The following NCOA1 variants were observed in gnomAD, a reference collection of about 807,000 sequenced individuals.
NCOA1 encodes the protein Hin-2 protein.
Under a neutral mutation model 150.9 loss-of-function variants are expected in NCOA1, and 35 were observed. That is an observed-to-expected ratio of 0.23 (90% CI 0.18 to 0.31). The LOEUF (loss-of-function observed/expected upper bound fraction) is 0.31. Among genes scored for constraint, NCOA1 ranks in the 10% least tolerant of loss-of-function variants. The pLI, the probability that NCOA1 is intolerant of heterozygous loss-of-function variation, is 1.00. For synonymous variants in NCOA1, 590 were observed against 630.0 expected (o/e 0.94, Z 0.95); for missense variants, 1,491 against 1,749.3 (o/e 0.85, Z 2.63).
At chr2:24,604,964 AG>A (rs1467739528) in intron 3 of NCOA1, among the ~76,000 whole-genome samples, 2 of 152,300 alleles carry the variant, frequency 1.3e-5, no homozygotes. Context: ...AGGCTATTGT[AG>A]GGTTATTAAT....
rs571374330 is a variant in NCOA1, at chr2:24,585,144, T to C, written c.-175+584T>C. 1.7e-4 allele frequency among the ~76,000 whole-genome samples: 26 copies of C among 152,322 alleles called. No homozygotes were observed. In the South Asian group the frequency reaches 5.2e-3, roughly 30 times the overall value. ...ATGCCTGCTTCACCACATTATCCCA[T>C]TGGGTGTTCCCCCACCCTAGTGTTT... is the stretch of plus-strand genomic sequence containing the variant. On this transcript the variant is annotated intron_variant, in intron 3 of 22. Transcript: ENST00000348332.
At chr2:24,593,264 G>A (rs1289097489) in intron 3 of NCOA1, among the ~76,000 whole-genome samples, 1 of 152,092 alleles carries the variant, frequency 6.6e-6, no homozygotes, top group Admixed American at 6.6e-5. Context: ...AGAAAAGCTT[G>A]CCAACCCTCA....
At chr2:24,740,830 T>C (rs1275064276) in intron 18 of NCOA1, among the ~76,000 whole-genome samples, 2 of 152,236 alleles carry the variant, frequency 1.3e-5, no homozygotes, top group African/African-American at 4.8e-5. Flanking sequence ...TAGATTAGAC[T>C]ATATGTAGTT....
chr2:24,593,302 G>A (rs1432122007), intron 3 of NCOA1, among the ~76,000 whole-genome samples: 2 of 152,012 alleles, frequency 1.3e-5, no homozygotes, highest in African/African-American at 2.4e-5. Flanking sequence ...AGTCTACCCT[G>A]GACTGGATAT....
At position 24,760,449 on chromosome 2, in the gene NCOA1, G is replaced by A. The variant is rs55981228; in HGVS notation, c.4066-2238G>A. On this transcript the variant is annotated intron_variant, in intron 21 of 22. Coordinates refer to ENST00000348332, the MANE Select transcript of NCOA1 (RefSeq NM_003743.5). ...TGGGATTACAGGCGTGAGCCACCGC[G>A]CCCGGCCTTGGCTTTAACATTTTTA... 8.9e-3 allele frequency among the ~76,000 whole-genome samples: 1,345 copies of A among 151,230 alleles called. 27 individuals are homozygous for A. The highest frequency in any genetic ancestry group is 0.031 in the African/African-American group (1,276 of 41,162).
intron 3 of NCOA1, among the ~76,000 whole-genome samples, chr2:24,612,526 A>G (rs1023404453): frequency 1.3e-5 from 2 of 152,194 alleles, no homozygotes; most frequent in Non-Finnish European, 2.9e-5. Context: ...AATGCCAGCA[A>G]TTAGTAAATT....
intron 3 of NCOA1, among the ~76,000 whole-genome samples, chr2:24,642,983 ATTATAAACAGC>A (rs1042969207): frequency 1.2e-4 from 19 of 152,328 alleles, no homozygotes; most frequent in African/African-American, 4.6e-4. Flanking sequence ...GGTGGATGTG[ATTATAAACAGC>A]ATGAAACAAT....
At chr2:24,568,003 C>G (rs1016866899) in intron 2 of NCOA1, among the ~76,000 whole-genome samples, 18 of 152,106 alleles carry the variant, frequency 1.2e-4, no homozygotes, top group Non-Finnish European at 2.2e-4. Context: ...CTTGGCCTCC[C>G]GAAGTGCTGG....
intron 1 of NCOA1, among the ~76,000 whole-genome samples, chr2:24,558,966 G>C (rs1666189809): frequency 6.6e-6 from 1 of 152,030 alleles, no homozygotes; most frequent in East Asian, 1.9e-4. Context: ...TTCCACTTGT[G>C]GTTGCATGCT....
At chr2:24,748,616 C>CAAA (rs60280796) in intron 19 of NCOA1, among the ~76,000 whole-genome samples, 62 of 103,768 alleles carry the variant, frequency 6.0e-4, no homozygotes, top group African/African-American at 1.9e-3. Flanking sequence ...AACTCGGTCT[C>CAAA]AAAAAAAAAA....
chr2:24,717,898 T>C (rs1049754481), intron 14 of NCOA1, among the ~76,000 whole-genome samples: 1 of 143,194 alleles, frequency 7.0e-6, no homozygotes, highest in African/African-American at 2.5e-5. Context: ...GAAAAGATGG[T>C]TAATATCTTT....
intron 4 of NCOA1, 105 bp downstream of exon 4, chr2:24,644,227 C>T (rs1670359978): frequency 6.6e-6 from 1 of 152,102 alleles, no homozygotes; most frequent in African/African-American, 2.4e-5. Flanking sequence ...TGTGTTTGAT[C>T]TGGGTTGCTT....
At chr2:24,566,427 A>T (rs1427692902) in intron 2 of NCOA1, among the ~76,000 whole-genome samples, 1 of 152,060 alleles carries the variant, frequency 6.6e-6, no homozygotes, top group Non-Finnish European at 1.5e-5. Context: ...GAGACCCTGG[A>T]GTGGGTAGCT....
chr2:24,670,478 C>T (rs1300334147), intron 6 of NCOA1, among the ~76,000 whole-genome samples: 1 of 152,092 alleles, frequency 6.6e-6, no homozygotes, highest in South Asian at 2.1e-4. Flanking sequence ...CTATGAAGGA[C>T]TATTATTAGG....
intron 2 of NCOA1, among the ~76,000 whole-genome samples, chr2:24,571,031 G>T (rs961889641): frequency 2.0e-5 from 3 of 152,186 alleles, no homozygotes; most frequent in Non-Finnish European, 2.9e-5. Context: ...ATGATAGTAT[G>T]TAGTTATGTA....
At position 24,693,251 on chromosome 2, in the gene NCOA1, G is replaced by C; in HGVS notation, c.713-1G>C. The C allele has an allele frequency of 6.2e-7, 1 of 1,614,056 alleles. No homozygotes were observed. Among genetic ancestry groups the C allele is most frequent in the Non-Finnish European group, 8.5e-7 (1 of 1,179,942 alleles). ...CAATTTCCCCGTCTTGTTTTGGGCAGATTTCCAGTCATGTCTGATTTGTAT... is the reference window on the plus strand; with the variant it reads ...CAATTTCCCCGTCTTGTTTTGGGCACATTTCCAGTCATGTCTGATTTGTAT... On this transcript the variant is annotated splice_acceptor_variant, in intron 9 of 22. Coordinates refer to ENST00000348332, the MANE Select transcript of NCOA1 (RefSeq NM_003743.5). LOFTEE classifies it high-confidence loss of function.
At chr2:24,694,000 A>AG (rs1288633579) in intron 10 of NCOA1, among the ~76,000 whole-genome samples, 2 of 152,184 alleles carry the variant, frequency 1.3e-5, no homozygotes, top group African/African-American at 2.4e-5. Flanking sequence ...GGGTCTTGGA[A>AG]GGGGGGCAGC....
At chr2:24,499,340 A>G (rs1426834260) in intron 1 of NCOA1, among the ~76,000 whole-genome samples, 1 of 152,158 alleles carries the variant, frequency 6.6e-6, no homozygotes, top group Non-Finnish European at 1.5e-5. Flanking sequence ...AGTGATTCTT[A>G]GATGTTGATT....
chr2:24,688,570 G>A (rs545401846), intron 8 of NCOA1, among the ~76,000 whole-genome samples: 1 of 152,110 alleles, frequency 6.6e-6, no homozygotes, highest in Admixed American at 6.5e-5. Context: ...AGTGTCTGTT[G>A]ATGTCCTTTG....
Sources: gnomAD v4.1 joint callset for allele counts (sites outside exome capture counted in the v4.1 genomes callset) on GRCh38, gnomAD v4.1.1 for gene constraint, MANE v1.5 for transcripts, NCBI Gene and HGNC (gene_info 2026-07-23, HGNC 2026-07-21) for gene names.